The following PCDHGB3 variants were observed in gnomAD, a reference collection of about 807,000 sequenced individuals.
The protein encoded by PCDHGB3 is protocadherin gamma subfamily B, 3.
In PCDHGB3, 40 loss-of-function variants were observed where a neutral mutation model predicts 59.2. The ratio of observed to expected loss-of-function variants is 0.68; its 90% CI spans 0.52 to 0.88. The LOEUF (loss-of-function observed/expected upper bound fraction) is 0.88, where lower values mean the gene tolerates loss of function less well. PCDHGB3 is among the 40% of genes least tolerant of loss of function. PCDHGB3 has a pLI of 0.00. For missense variants in PCDHGB3, 1,309 were observed against 1,187.9 expected (o/e 1.10, Z -1.50); for synonymous variants, 581 against 503.6 (o/e 1.15, Z -2.06).
intron 1 of PCDHGB3, chr5:141,375,081 T>C (rs1588758093): frequency 1.9e-6 from 3 of 1,613,960 alleles, no homozygotes; most frequent in Non-Finnish European, 2.5e-6. Context: ...AGAGCGAAAG[T>C]CTTAATAACT....
At chr5:141,415,312 A>G (rs1245475147) in intron 1 of PCDHGB3, 1 of 1,614,222 alleles carries the variant, frequency 6.2e-7, no homozygotes, top group Non-Finnish European at 8.5e-7. Context: ...GGCCTTCGTC[A>G]TCGTGCTGCT....
At chr5:141,398,415 C>T (rs2093654537) in intron 1 of PCDHGB3, 2 of 1,487,146 alleles carry the variant, frequency 1.3e-6, no homozygotes, top group Non-Finnish European at 1.9e-6. Context: ...AGGAGATATG[C>T]GGGAAGAAGC....
At chr5:141,419,302 C>T in intron 1 of PCDHGB3, 1 of 1,614,024 alleles carries the variant, frequency 6.2e-7, no homozygotes, top group East Asian at 2.2e-5. Context: ...ACCCAGACTT[C>T]GGGCTCAACG....
intron 2 of PCDHGB3, among the ~76,000 whole-genome samples, chr5:141,496,411 CT>C (rs1266082660): frequency 6.6e-6 from 1 of 152,190 alleles, no homozygotes; most frequent in African/African-American, 2.4e-5. Context: ...TGGTTGAGTA[CT>C]TGCTGTCCAC....
chr5:141,427,429 G>A (rs2097025761), intron 1 of PCDHGB3: 1 of 471,078 alleles, frequency 2.1e-6, no homozygotes, highest in African/African-American at 2.0e-5. Flanking sequence ...GAGGTTACAT[G>A]CCTCATAAAC....
chr5:141,389,429 G>T, intron 1 of PCDHGB3: 1 of 1,610,654 alleles, frequency 6.2e-7, no homozygotes, highest in East Asian at 2.2e-5. Flanking sequence ...TGTTCGCGCA[G>T]CGCGCCTTCG....
chr5:141,431,748 G>A lies in PCDHGB3; in HGVS notation c.2415+58939G>A, dbSNP rs759671844. On this transcript the variant is annotated intron_variant, in intron 1 of 3. Coordinates refer to ENST00000576222, the MANE Select transcript of PCDHGB3 (RefSeq NM_018924.5). This position sits in a 1 kb window ranked among gnomAD's most constrained non-coding sequence, Gnocchi z 4.8. ...ATGGATAATGCAGGATATTCTGCGC[G>A]AGCCAAAGTCCTGATCACTGTTCTG... 4 of 1,614,078 alleles carry A rather than the reference G, an allele frequency of 2.5e-6. No individual in the cohort carries two copies. Among genetic ancestry groups the A allele is most frequent in the African/African-American group, 1.3e-5 (1 of 74,934 alleles).
intron 1 of PCDHGB3, chr5:141,377,280 A>G (rs1773849718): frequency 6.6e-6 from 1 of 151,152 alleles, no homozygotes; most frequent in Non-Finnish European, 1.5e-5. Context: ...GGGAAAAAAA[A>G]TAACCTTAAT....
rs773232677 is a variant in PCDHGB3, at chr5:141,490,388, G to A, written c.2416-4419G>A. 2 of 1,614,206 alleles carry A rather than the reference G, an allele frequency of 1.2e-6. No homozygotes were observed. The highest frequency in any genetic ancestry group is 2.2e-5 in the East Asian group (1 of 44,878). The stretch of plus-strand genomic sequence containing the variant: ...CGAGACCGGGACTCAGGTAGAAATG[G>A]TGAAGTGAGCCTTGATATCTCTCCG... On this transcript the variant is annotated intron_variant, in intron 1 of 3. Transcript: ENST00000576222. The surrounding 1 kb of genome is among the most constrained non-coding windows in gnomAD (Gnocchi z 5.4).
Position 141,432,126 on chromosome 5 carries a change from C to A in PCDHGB3, c.2415+59317C>A. 6.2e-7 allele frequency: 1 copy of A among 1,614,144 alleles called. No homozygotes were observed. Among genetic ancestry groups the A allele is most frequent in the South Asian group, 1.1e-5 (1 of 91,058 alleles). ...AACCCGCCGGTCTTCCCTCAGGCCT[C>A]CTATTCCGCTTATATCCCAGAGAAC... On this transcript the variant is annotated intron_variant, in intron 1 of 3. Transcript: ENST00000576222. The surrounding 1 kb of genome is among the most constrained non-coding windows in gnomAD (Gnocchi z 6.0).
In PCDHGB3 at chr5:141,432,452, C is replaced by T. The variant is rs780149710; in HGVS notation, c.2415+59643C>T. 3.7e-6 allele frequency: 6 copies of T among 1,614,094 alleles called. No homozygotes were observed. The highest frequency in any genetic ancestry group is 1.6e-4 in the Middle Eastern group (1 of 6,082). On this transcript the variant is annotated intron_variant, in intron 1 of 3. Coordinates refer to ENST00000576222, the MANE Select transcript of PCDHGB3 (RefSeq NM_018924.5). The surrounding 1 kb of genome is among the most constrained non-coding windows in gnomAD (Gnocchi z 6.0). ...CGACAATGCGCCCGAGATCCTGTACCCCGCCCTCCCCACGGACGGTTCCAC... is the reference window on the plus strand; with the variant it reads ...CGACAATGCGCCCGAGATCCTGTACTCCGCCCTCCCCACGGACGGTTCCAC...
At chr5:141,458,201 TAGTTTAAAATA>T (rs1175017515) in intron 1 of PCDHGB3, among the ~76,000 whole-genome samples, 1 of 152,168 alleles carries the variant, frequency 6.6e-6, no homozygotes, top group Non-Finnish European at 1.5e-5. Context: ...AGGCCATAAA[TAGTTTAAAATA>T]AGTTTCCTTT....
At position 141,371,752 on chromosome 5, in the gene PCDHGB3, AC is replaced by A. The variant is rs1278414887; in HGVS notation, c.1360del (p.Gln454ArgfsTer8). ...LDVNDNVPVF[H>X]QASYTVHVAE... is the part of the protein sequence containing the mutation. The stretch of plus-strand genomic sequence containing the variant: ...GTCAACGACAACGTTCCCGTTTTCC[AC>A]CAGGCCTCCTACACCGTGCATGTAG... On this transcript the variant is annotated frameshift_variant, in exon 1 of 4. Coordinates refer to ENST00000576222, the MANE Select transcript of PCDHGB3 (RefSeq NM_018924.5). LOFTEE classifies it high-confidence loss of function. The A allele has an allele frequency of 6.2e-7, 1 of 1,613,888 alleles. No individual in the cohort carries two copies. Among genetic ancestry groups the A allele is most frequent in the Non-Finnish European group, 8.5e-7 (1 of 1,179,904 alleles).
intron 1 of PCDHGB3, chr5:141,395,091 A>ACCG (rs771313907): frequency 6.2e-7 from 1 of 1,614,118 alleles, no homozygotes; most frequent in South Asian, 1.1e-5. Context: ...AGTCTCCCTC[A>ACCG]CCGCCGACTC....
chr5:141,401,830 T>C (rs950842785), intron 1 of PCDHGB3, among the ~76,000 whole-genome samples: 4 of 152,216 alleles, frequency 2.6e-5, no homozygotes, highest in Admixed American at 1.3e-4. Context: ...TGCTGAGATT[T>C]CTTATAATAC....
chr5:141,494,712 C>T, intron 1 of PCDHGB3, 95 bp from the exon 2 acceptor site: 1 of 1,603,048 alleles, frequency 6.2e-7, no homozygotes, highest in Non-Finnish European at 8.5e-7. Context: ...TCTGTGCCCA[C>T]TCCCCTCCTT....
At position 141,491,305 on chromosome 5, in the gene PCDHGB3, G is replaced by T. The variant is rs1461861151; in HGVS notation, c.2416-3502G>T. 6.2e-7 allele frequency: 1 copy of T among 1,614,176 alleles called. No homozygotes were observed. Among genetic ancestry groups the T allele is most frequent in the African/African-American group, 1.3e-5 (1 of 75,048 alleles). ...CCTCATACACCCTCCTGAGCGTTCA[G>T]ACCTTACCCTTTACCTCATTGTGGC... On this transcript the variant is annotated intron_variant, in intron 1 of 3. Coordinates refer to ENST00000576222, the MANE Select transcript of PCDHGB3 (RefSeq NM_018924.5). This position sits in a 1 kb window ranked among gnomAD's most constrained non-coding sequence, Gnocchi z 6.9.
chr5:141,420,460 A>G lies in PCDHGB3; in HGVS notation c.2415+47651A>G, dbSNP rs946386638. On this transcript the variant is annotated intron_variant, in intron 1 of 3. Coordinates refer to ENST00000576222, the MANE Select transcript of PCDHGB3 (RefSeq NM_018924.5). ...AATGCCTCAGTCTTCCTACTATTCA[A>G]AGACATTTTAAAGCAAACTACATGG... The G allele has an allele frequency of 3.4e-6, 3 of 889,944 alleles. No individual in the cohort carries two copies. The African/African-American group carries it at 5.2e-5, about 16-fold the overall frequency. 55.1% of individuals were successfully genotyped at this position (889,944 alleles called of 1,614,324 possible).
At chr5:141,389,919 C>T (rs777835466) in intron 1 of PCDHGB3, 22 of 1,613,962 alleles carry the variant, frequency 1.4e-5, no homozygotes, top group Middle Eastern at 1.6e-4. Context: ...CCGCCCCGAC[C>T]CCTCTGACCT....
Sources: allele counts gnomAD v4.1 joint callset (sites outside exome capture counted in the v4.1 genomes callset), GRCh38; gene constraint gnomAD v4.1.1; non-coding constraint Gnocchi (gnomAD v3.1); transcripts MANE v1.5; gene names NCBI Gene and HGNC (gene_info 2026-07-23, HGNC 2026-07-21).